The following CREB1 variants were observed in gnomAD, a reference collection of about 807,000 sequenced individuals.
CREB1 encodes cyclic AMP-responsive element-binding protein 1.
In CREB1, 2 loss-of-function variants were observed where a neutral mutation model predicts 42.0. The ratio of observed to expected loss-of-function variants is 0.05; its 90% CI spans 0.02 to 0.15. The LOEUF is 0.15. Ranked by LOEUF, CREB1 falls within the 10% of genes least tolerant of loss-of-function variation. The pLI, the probability that CREB1 is intolerant of heterozygous loss-of-function variation, is 1.00. For synonymous variants in CREB1, 123 were observed against 139.9 expected, an observed-to-expected ratio of 0.88 and a Z score of 0.85; for missense variants, 199 against 388.9, an observed-to-expected ratio of 0.51 and a Z score of 4.11.
intron 6 of CREB1, chr2:207,576,619 C>G (rs1559050387): frequency 1.6e-6 from 2 of 1,221,312 alleles, no homozygotes; most frequent in Non-Finnish European, 1.1e-6. Flanking sequence ...CACCTTTTCA[C>G]TTTACATGCA....
chr2:207,548,674 C>T (rs1273114498), intron 1 of CREB1, among the ~76,000 whole-genome samples: 3 of 152,016 alleles, frequency 2.0e-5, no homozygotes, highest in Non-Finnish European at 2.9e-5. Flanking sequence ...TCACTTGAAC[C>T]GGGGAGGCAG....
intron 4 of CREB1, among the ~76,000 whole-genome samples, chr2:207,568,677 A>G (rs149313784): frequency 9.9e-5 from 15 of 152,258 alleles, no homozygotes; most frequent in African/African-American, 3.6e-4. Context: ...GTTTATAACT[A>G]GTTTGTTACA....
At chr2:207,536,571 G>A (rs1279886258) in intron 1 of CREB1, among the ~76,000 whole-genome samples, 1 of 152,058 alleles carries the variant, frequency 6.6e-6, no homozygotes, top group African/African-American at 2.4e-5. Context: ...AAAAACAAAA[G>A]CTGTCATGGT....
At chr2:207,532,788 A>T (rs1350279599) in intron 1 of CREB1, among the ~76,000 whole-genome samples, 1 of 151,470 alleles carries the variant, frequency 6.6e-6, no homozygotes, top group East Asian at 1.9e-4. Flanking sequence ...TTTGGCCCTT[A>T]TTGCCCAGGC....
At chr2:207,535,293 G>A (rs1043288208) in intron 1 of CREB1, among the ~76,000 whole-genome samples, 1 of 152,148 alleles carries the variant, frequency 6.6e-6, no homozygotes, top group Non-Finnish European at 1.5e-5. Context: ...CTCACAAGGT[G>A]AATTTAACTC....
At chr2:207,575,787 G>A (rs2082549053) in intron 6 of CREB1, among the ~76,000 whole-genome samples, 1 of 152,058 alleles carries the variant, frequency 6.6e-6, no homozygotes, top group African/African-American at 2.4e-5. Context: ...TCTGCTATGA[G>A]GCCTTGAGTA....
intron 5 of CREB1, chr2:207,571,682 GAT>G (rs1479032127): frequency 2.2e-6 from 1 of 450,004 alleles, no homozygotes; most frequent in African/African-American, 2.0e-5. Context: ...AGTTATTCAA[GAT>G]ATGTGTTCGA....
At chr2:207,533,366 CTCAT>C (rs1173142718) in intron 1 of CREB1, among the ~76,000 whole-genome samples, 3 of 152,212 alleles carry the variant, frequency 2.0e-5, no homozygotes, top group Admixed American at 1.3e-4. Context: ...TTATTTCTCT[CTCAT>C]TCTAAGACAT....
At chr2:207,545,609 T>TA (rs1431417904) in intron 1 of CREB1, among the ~76,000 whole-genome samples, 1 of 152,230 alleles carries the variant, frequency 6.6e-6, no homozygotes, top group African/African-American at 2.4e-5. Context: ...CTGTAGTCGT[T>TA]ACTACGTAGT....
At chr2:207,540,669 TAAAAAAAAAAAAA>T (rs35714520) in intron 1 of CREB1, among the ~76,000 whole-genome samples, 3 of 64,254 alleles carry the variant, frequency 4.7e-5, no homozygotes, top group Non-Finnish European at 7.9e-5. Context: ...GTTTAAAAAG[TAAAAAAAAAAAAA>T]AAAAAAAAAA....
At chr2:207,545,164 A>G (rs1256304678) in intron 1 of CREB1, among the ~76,000 whole-genome samples, 1 of 152,158 alleles carries the variant, frequency 6.6e-6, no homozygotes, top group African/African-American at 2.4e-5. Flanking sequence ...TGGTTGAACT[A>G]ACACCACCAA....
In CREB1 at chr2:207,600,625, T is replaced by C. The variant is rs541832773; in HGVS notation, c.*3567T>C. 9.4e-6 allele frequency: 2 copies of C among 212,216 alleles called. No individual in the cohort carries two copies. The highest frequency in any genetic ancestry group is 4.5e-5 in the African/African-American group (2 of 44,306). 13.1% of individuals were successfully genotyped at this position (212,216 alleles called of 1,614,324 possible). A position where few individuals can be genotyped will look rare whatever the true frequency, so the allele number is the denominator to read the frequency against. On this transcript the variant is annotated 3_prime_UTR_variant, in exon 8 of 8. Transcript: ENST00000353267. ...CCACTGATTTTTTCAAAAATCATCC[T>C]GGGGGAGGAATTTTGGCATTTCATT...
intron 2 of CREB1, among the ~76,000 whole-genome samples, chr2:207,558,810 T>G (rs2081840230): frequency 6.6e-6 from 1 of 151,968 alleles, no homozygotes; most frequent in Non-Finnish European, 1.5e-5. Context: ...CCTGGCTAAT[T>G]TTTTGTATTT....
At chr2:207,591,215 G>C (rs2084970500) in intron 7 of CREB1, among the ~76,000 whole-genome samples, 1 of 152,166 alleles carries the variant, frequency 6.6e-6, no homozygotes, top group African/African-American at 2.4e-5. Context: ...TGACAGGAGA[G>C]TGTATTAAGG....
In CREB1 at chr2:207,544,428, A is replaced by C. The variant is rs945074976; in HGVS notation, c.-8-11200A>C. On this transcript the variant is annotated intron_variant, in intron 1 of 7. Coordinates refer to ENST00000353267, the MANE Select transcript of CREB1 (RefSeq NM_004379.5). ...TTATGGTTTTAAATTACTGATGTTA[A>C]GTACTTGTTTGGAAGGAATTTATAG... Among the ~76,000 whole-genome samples, 6 of 152,326 alleles carry C rather than the reference A, an allele frequency of 3.9e-5. 1 individual carries two copies. The highest frequency in any genetic ancestry group is 1.4e-4 in the African/African-American group (6 of 41,574).
intron 1 of CREB1, among the ~76,000 whole-genome samples, chr2:207,540,872 C>G (rs1307182679): frequency 1.3e-5 from 2 of 152,042 alleles, no homozygotes; most frequent in Non-Finnish European, 2.9e-5. Context: ...TATGAAGTTA[C>G]AGTAAGCTAC....
intron 7 of CREB1, among the ~76,000 whole-genome samples, chr2:207,593,243 A>G (rs975963104): frequency 6.6e-6 from 1 of 152,056 alleles, no homozygotes; most frequent in African/African-American, 2.4e-5. Context: ...ATTTGTATCA[A>G]GGCTGGGTGC....
intron 1 of CREB1, among the ~76,000 whole-genome samples, chr2:207,553,959 T>C (rs2081616775): frequency 6.6e-6 from 1 of 152,228 alleles, no homozygotes; most frequent in South Asian, 2.1e-4. Flanking sequence ...AATGTGTCAA[T>C]ATATTAATTT....
intron 5 of CREB1, among the ~76,000 whole-genome samples, chr2:207,572,442 A>T (rs1010710737): frequency 6.6e-6 from 1 of 152,226 alleles, no homozygotes; most frequent in Non-Finnish European, 1.5e-5. Context: ...TATGGTTGTC[A>T]GAATTCACCA....
Sources: allele counts gnomAD v4.1 joint callset (sites outside exome capture counted in the v4.1 genomes callset), GRCh38; gene constraint gnomAD v4.1.1; transcripts MANE v1.5; gene names NCBI Gene and HGNC (gene_info 2026-07-23, HGNC 2026-07-21).